Variants in CNBD1 observed in about 807,000 individuals in gnomAD.
CNBD1 encodes cyclic nucleotide-binding domain-containing protein 1.
CNBD1 carries 71 observed loss-of-function variants against 54.4 expected under a neutral mutation model. That is an observed-to-expected ratio of 1.30 (90% confidence interval 1.08 to 1.59). CNBD1 has a LOEUF of 1.59. Ranked by LOEUF, CNBD1 falls within the 40% of genes most tolerant of loss-of-function variation. The pLI is 0.00. For missense variants in CNBD1, 659 were observed against 518.0 expected (o/e 1.27, Z -2.64); for synonymous variants, 182 against 170.7 (o/e 1.07, Z -0.51).
chr8:86,991,772 C>T (rs1009746656), intron 4 of CNBD1, among the ~76,000 whole-genome samples: 1 of 152,024 alleles, frequency 6.6e-6, no homozygotes, highest in Non-Finnish European at 1.5e-5. Flanking sequence ...TGTTGTTCAG[C>T]CAGAAGTTAT....
chr8:87,000,216 G>T (rs1405291989), intron 4 of CNBD1, among the ~76,000 whole-genome samples: 1 of 152,054 alleles, frequency 6.6e-6, no homozygotes, highest in East Asian at 1.9e-4. Flanking sequence ...ATGTTCTCAT[G>T]ATAGTGAGTT....
At chr8:86,922,200 G>A (rs1809285247) in intron 3 of CNBD1, among the ~76,000 whole-genome samples, 1 of 152,272 alleles carries the variant, frequency 6.6e-6, no homozygotes, top group Middle Eastern at 3.4e-3. Flanking sequence ...AATTGCCCAA[G>A]TTGGTAGTTG....
intron 8 of CNBD1, 140 bp downstream of exon 8, chr8:87,286,811 G>A: frequency 1.5e-6 from 1 of 674,328 alleles, no homozygotes; most frequent in South Asian, 1.9e-5. Flanking sequence ...CATTTGAATT[G>A]GACATTTAGA....
chr8:87,165,001 T>C (rs1168914781), intron 4 of CNBD1, among the ~76,000 whole-genome samples: 1 of 151,954 alleles, frequency 6.6e-6, no homozygotes, highest in Non-Finnish European at 1.5e-5. Context: ...CACAAGATTT[T>C]TTTTTTACTT....
intron 4 of CNBD1, among the ~76,000 whole-genome samples, chr8:87,198,166 G>C (rs1813760836): frequency 6.6e-6 from 1 of 152,230 alleles, no homozygotes; most frequent in Non-Finnish European, 1.5e-5. Context: ...ATATTGACTT[G>C]TTTTAATCTT....
intron 4 of CNBD1, among the ~76,000 whole-genome samples, chr8:87,048,777 T>A (rs577936034): frequency 6.6e-6 from 1 of 152,340 alleles, no homozygotes; most frequent in South Asian, 2.1e-4. Flanking sequence ...TTCTGCCAGA[T>A]AACTTCCTAT....
intron 4 of CNBD1, among the ~76,000 whole-genome samples, chr8:87,120,573 T>A (rs1180201190): frequency 6.6e-6 from 1 of 151,982 alleles, no homozygotes; most frequent in Non-Finnish European, 1.5e-5. Context: ...CTCTGATTTC[T>A]GTTATTTCTT....
chr8:87,286,652 A>C lies in CNBD1; in HGVS notation c.1023A>C (p.Lys341Asn). Residue 341 changes from lysine (K) to asparagine (N), a missense_variant, in exon 8 of 11, where the codon AAA becomes AAC. Physicochemically the swap from Lys to Asn is moderately conservative, Grantham distance 94. Coordinates refer to ENST00000518476, the MANE Select transcript of CNBD1 (RefSeq NM_173538.3). Reference protein sequence around the residue: ...IYELIALLKWKKFPPGHVIVE... With the variant: ...IYELIALLKWNKFPPGHVIVE... The stretch of plus-strand genomic sequence containing the variant: ...AGCTAATTGCACTCCTTAAATGGAA[A>C]AAATTTCCTCCAGGTCATGGTAAGT... 6.5e-7 allele frequency: 1 copy of C among 1,542,928 alleles called. No individual in the cohort carries two copies. The highest frequency in any genetic ancestry group is 8.8e-7 in the Non-Finnish European group (1 of 1,140,534).
rs1810064080 is a variant in CNBD1, at chr8:87,341,559, C to G, written c.1043-10126C>G. 3.3e-5 allele frequency among the ~76,000 whole-genome samples: 5 copies of G among 152,262 alleles called. No individual in the cohort carries two copies. In the South Asian group the frequency reaches 1.0e-3, roughly 32 times the overall value. On this transcript the variant is annotated intron_variant, in intron 8 of 10. Transcript: ENST00000518476. ...CAAAATTCATGTTAAAATGTTATTG[C>G]TGTTGTAATAGTATTAAGAGGTGGA... is the stretch of plus-strand genomic sequence containing the variant.
chr8:87,115,255 A>T (rs1811745088), intron 4 of CNBD1, among the ~76,000 whole-genome samples: 1 of 152,214 alleles, frequency 6.6e-6, no homozygotes. Flanking sequence ...AACAATTTAA[A>T]AACTGAGATA....
intron 8 of CNBD1, among the ~76,000 whole-genome samples, chr8:87,351,219 A>G (rs1291729872): frequency 6.6e-6 from 1 of 152,216 alleles, no homozygotes; most frequent in Non-Finnish European, 1.5e-5. Context: ...CCCTTGTTTT[A>G]ACTGCTACTA....
chr8:87,167,498 C>T (rs1289867996), intron 4 of CNBD1, among the ~76,000 whole-genome samples: 1 of 151,792 alleles, frequency 6.6e-6, no homozygotes, highest in Non-Finnish European at 1.5e-5. Flanking sequence ...CGCTCTGTCA[C>T]CCAGGCTCGA....
At chr8:86,899,381 T>C (rs1808898392) in intron 2 of CNBD1, among the ~76,000 whole-genome samples, 1 of 152,094 alleles carries the variant, frequency 6.6e-6, no homozygotes, top group South Asian at 2.1e-4. Flanking sequence ...TTAATTTGCT[T>C]CCCTATAGAA....
chr8:86,920,466 T>C (rs1809253447), intron 3 of CNBD1, among the ~76,000 whole-genome samples: 1 of 152,184 alleles, frequency 6.6e-6, no homozygotes, highest in African/African-American at 2.4e-5. Context: ...AAGGCAGCTA[T>C]GGCCACCACT....
At chr8:86,985,407 T>C (rs1399147335) in intron 4 of CNBD1, among the ~76,000 whole-genome samples, 1 of 152,202 alleles carries the variant, frequency 6.6e-6, no homozygotes, top group Non-Finnish European at 1.5e-5. Context: ...TCCTGCCTAG[T>C]AGCTGATAGT....
intron 4 of CNBD1, among the ~76,000 whole-genome samples, chr8:87,077,081 T>TA (rs1486699831): frequency 6.6e-6 from 1 of 152,146 alleles, no homozygotes; most frequent in African/African-American, 2.4e-5. Flanking sequence ...TTTACTTTGA[T>TA]AGAGTTTTAG....
intron 8 of CNBD1, among the ~76,000 whole-genome samples, chr8:87,297,702 G>GGT (rs10600761): frequency 0.076 from 6,261 of 82,200 alleles, 223 homozygotes; most frequent in African/African-American, 0.13. Context: ...GAGAATGTGG[G>GGT]GTGTGTGTGT....
intron 2 of CNBD1, among the ~76,000 whole-genome samples, chr8:86,903,126 C>T (rs77418828): frequency 0.013 from 2,025 of 152,138 alleles, 40 homozygotes; most frequent in African/African-American, 0.047. Flanking sequence ...CAACCTTCCA[C>T]GTATTTCACT....
chr8:86,882,613 AT>A (rs1317187643), intron 1 of CNBD1, among the ~76,000 whole-genome samples: 2 of 152,158 alleles, frequency 1.3e-5, no homozygotes, highest in African/African-American at 4.8e-5. Context: ...CAGTGTGGCA[AT>A]TCCTCAAAGA....
Sources: gnomAD v4.1 joint callset for allele counts (sites outside exome capture counted in the v4.1 genomes callset) on GRCh38, gnomAD v4.1.1 for gene constraint, MANE v1.5 for transcripts, NCBI Gene and HGNC (gene_info 2026-07-23, HGNC 2026-07-21) for gene names.